The following LUC7L2 variants were observed in gnomAD, a reference collection of about 807,000 sequenced individuals.
The protein encoded by LUC7L2 is putative RNA-binding protein Luc7-like 2.
A neutral mutation model predicts 52.8 loss-of-function variants in LUC7L2; 25 were observed. The observed-to-expected ratio is 0.47, with a 90% CI of 0.34 to 0.66. The LOEUF (loss-of-function observed/expected upper bound fraction) is 0.66, where lower values mean the gene tolerates loss of function less well. Among genes scored for constraint, LUC7L2 ranks in the 30% least tolerant of loss-of-function variants. The pLI, the probability that LUC7L2 is intolerant of heterozygous loss-of-function variation, is 0.01. For missense variants in LUC7L2, 328 were observed against 497.8 expected (o/e 0.66, Z 3.25); for synonymous variants, 144 against 160.9 (o/e 0.89, Z 0.80).
At chr7:139,366,841 CT>C (rs1800182190) in intron 1 of LUC7L2, among the ~76,000 whole-genome samples, 2 of 152,184 alleles carry the variant, frequency 1.3e-5, no homozygotes, top group Admixed American at 1.3e-4. Context: ...GTCAGAAATT[CT>C]GGATATGGGC....
At chr7:139,381,247 T>A (rs1027087813) in intron 2 of LUC7L2, among the ~76,000 whole-genome samples, 5 of 152,154 alleles carry the variant, frequency 3.3e-5, no homozygotes, top group Admixed American at 3.3e-4. Context: ...AATTCAGTTA[T>A]CCAGGGCAGT....
intron 1 of LUC7L2, 145 bp from the exon 2 acceptor site, chr7:139,375,917 A>G: frequency 1.4e-6 from 1 of 731,208 alleles, no homozygotes. Flanking sequence ...GTTTTTCTAT[A>G]GGATGTATAT....
chr7:139,408,934 G>T (rs1795234628), intron 6 of LUC7L2, among the ~76,000 whole-genome samples: 1 of 151,852 alleles, frequency 6.6e-6, no homozygotes, highest in Non-Finnish European at 1.5e-5. Context: ...GATCACTTGA[G>T]GCCAGGAGTT....
chr7:139,381,878 A>ATTTTTT (rs57302073), intron 2 of LUC7L2, among the ~76,000 whole-genome samples: 9 of 105,174 alleles, frequency 8.6e-5, no homozygotes, highest in Admixed American at 1.3e-4. Flanking sequence ...GCCTGGCCTA[A>ATTTTTT]TTTTTTTTTT....
At chr7:139,397,871 T>C (rs1319532642) in intron 2 of LUC7L2, among the ~76,000 whole-genome samples, 1 of 152,204 alleles carries the variant, frequency 6.6e-6, no homozygotes, top group African/African-American at 2.4e-5. Flanking sequence ...GATACATGCT[T>C]ATTATAAGTG....
At chr7:139,341,342 C>T (rs751714776) in intron 1 of LUC7L2, 7 of 1,583,934 alleles carry the variant, frequency 4.4e-6, no homozygotes, top group Non-Finnish European at 6.0e-6. Context: ...TTTTCAGGGT[C>T]GTAGGACGCC....
At chr7:139,382,032 C>T (rs1353960952) in intron 2 of LUC7L2, among the ~76,000 whole-genome samples, 4 of 151,716 alleles carry the variant, frequency 2.6e-5, no homozygotes, top group Non-Finnish European at 5.9e-5. Context: ...CTACAAGGTG[C>T]GCCACCAGGC....
chr7:139,350,978 T>C (rs964684157), intron 1 of LUC7L2, among the ~76,000 whole-genome samples: 1 of 152,072 alleles, frequency 6.6e-6, no homozygotes, highest in African/African-American at 2.4e-5. Context: ...CTGGCCCACA[T>C]TCTTCTGTTT....
Position 139,407,208 on chromosome 7 carries a change from T to G in LUC7L2, c.545T>G (p.Phe182Cys). 1 of 1,611,496 alleles carries G rather than the reference T, an allele frequency of 6.2e-7. No individual in the cohort carries two copies. Among genetic ancestry groups the G allele is most frequent in the Non-Finnish European group, 8.5e-7 (1 of 1,178,476 alleles). Residue 182 changes from phenylalanine to cysteine, a missense_variant, in exon 6 of 10, where the codon TTT (phenylalanine) becomes TGT (cysteine). Transcript: ENST00000354926. ...VYRNSMPASSFQQQKLRVCEV... is the reference protein window; with the variant it reads ...VYRNSMPASSCQQQKLRVCEV... ...CGGAATTCTATGCCAGCTTCCAGTT[T>G]TCAGCAGCAGAAACTTCGAGTCTGT...
intron 1 of LUC7L2, among the ~76,000 whole-genome samples, chr7:139,348,834 A>T (rs1338423908): frequency 6.6e-6 from 1 of 152,094 alleles, no homozygotes; most frequent in African/African-American, 2.4e-5. Context: ...AAGGCCAACA[A>T]GGTTGTTGTA....
intron 1 of LUC7L2, among the ~76,000 whole-genome samples, chr7:139,371,733 C>T (rs1266437816): frequency 6.6e-6 from 1 of 152,074 alleles, no homozygotes; most frequent in African/African-American, 2.4e-5. Flanking sequence ...TATTTTTTCC[C>T]TCCTGATATA....
At chr7:139,402,106 G>A (rs771424021) in intron 3 of LUC7L2, 31 bp from the exon 4 acceptor site, 6 of 1,545,798 alleles carry the variant, frequency 3.9e-6, no homozygotes, top group Non-Finnish European at 5.2e-6. Context: ...TTGACTTTCT[G>A]ACAGTAATTG....
At chr7:139,357,295 G>C (rs1228356802), upstream of LUC7L2, among the ~76,000 whole-genome samples, 2 of 152,078 alleles carry the variant, frequency 1.3e-5, no homozygotes, top group Non-Finnish European at 2.9e-5. Context: ...GTAATTACAT[G>C]AATATAAATC....
At chr7:139,341,532 C>A in intron 1 of LUC7L2, 1 of 1,609,230 alleles carries the variant, frequency 6.2e-7, no homozygotes, top group Non-Finnish European at 8.5e-7. Context: ...GGTACGGGAG[C>A]CATGTCCCGG....
intron 2 of LUC7L2, among the ~76,000 whole-genome samples, chr7:139,394,780 G>A (rs140389050): frequency 2.0e-4 from 30 of 152,180 alleles, no homozygotes; most frequent in Admixed American, 1.3e-3. Context: ...TGAAATAACC[G>A]GAACTAGCAT....
At chr7:139,396,556 G>A (rs545732875) in intron 2 of LUC7L2, among the ~76,000 whole-genome samples, 1 of 152,300 alleles carries the variant, frequency 6.6e-6, no homozygotes, top group South Asian at 2.1e-4. Flanking sequence ...TCAGTTGATT[G>A]AAGTTGGTTC....
chr7:139,407,734 C>T (rs1156338671), intron 6 of LUC7L2, among the ~76,000 whole-genome samples: 2 of 152,048 alleles, frequency 1.3e-5, no homozygotes, highest in Non-Finnish European at 2.9e-5. Flanking sequence ...AAATATTTTG[C>T]AATTCTTTAT....
At chr7:139,368,643 T>A (rs1585081466) in intron 1 of LUC7L2, among the ~76,000 whole-genome samples, 1 of 149,446 alleles carries the variant, frequency 6.7e-6, no homozygotes, top group Non-Finnish European at 1.5e-5. Context: ...GAGGCTGAGG[T>A]TGGAGAATTG....
intron 2 of LUC7L2, among the ~76,000 whole-genome samples, chr7:139,392,901 G>A (rs575359329): frequency 5.3e-5 from 8 of 151,956 alleles, no homozygotes; most frequent in East Asian, 2.0e-4. Flanking sequence ...TGATCTGCCC[G>A]CCTCGGCCTC....
Sources: gnomAD v4.1 joint callset for allele counts (sites outside exome capture counted in the v4.1 genomes callset) on GRCh38, gnomAD v4.1.1 for gene constraint, MANE v1.5 for transcripts, NCBI Gene and HGNC (gene_info 2026-07-23, HGNC 2026-07-21) for gene names.